The following SLC8A1 variants were observed in gnomAD, a reference collection of about 807,000 sequenced individuals.
SLC8A1 encodes the protein solute carrier family 8 member A1, also known as sodium/calcium exchanger 1.
In SLC8A1, 18 loss-of-function variants were observed where a neutral mutation model predicts 68.3. That is an observed-to-expected ratio of 0.26 (90% CI 0.18 to 0.39). The LOEUF is 0.39. Among genes scored for constraint, SLC8A1 ranks in the 10% least tolerant of loss-of-function variants. The pLI, the probability that SLC8A1 is intolerant of heterozygous loss-of-function variation, is 1.00. For missense variants in SLC8A1, 985 were observed against 1,156.7 expected (o/e 0.85, Z 2.15); for synonymous variants, 475 against 415.5 (o/e 1.14, Z -1.74).
At chr2:40,237,246 C>A (rs58684479) in intron 2 of SLC8A1, among the ~76,000 whole-genome samples, 5,658 of 152,254 alleles carry the variant, frequency 0.037, 221 homozygotes, top group African/African-American at 0.1. Context: ...GTACACCAAT[C>A]AGACGTAGAT....
At chr2:40,259,567 G>C (rs768662676) in intron 2 of SLC8A1, among the ~76,000 whole-genome samples, 4 of 152,180 alleles carry the variant, frequency 2.6e-5, no homozygotes, top group Non-Finnish European at 5.9e-5. Context: ...ACAACCTTGA[G>C]CTCTTGGGCT....
intron 2 of SLC8A1, among the ~76,000 whole-genome samples, chr2:40,253,243 A>G (rs1014426984): frequency 2.0e-5 from 3 of 150,250 alleles, no homozygotes; most frequent in African/African-American, 7.3e-5. Context: ...ATGTGCGTAT[A>G]TACACATATG....
intron 2 of SLC8A1, among the ~76,000 whole-genome samples, chr2:40,386,067 T>C (rs4446101): frequency 0.73 from 110,199 of 150,804 alleles, 41,766 homozygotes; most frequent in African/African-American, 0.93. Context: ...TAAATGCTAC[T>C]ATGTGTTTTA....
rs563942153 is a variant in SLC8A1, at chr2:40,399,813, G to A, written c.1808+28660C>T. On this transcript the variant is annotated intron_variant, in intron 2 of 7. Coordinates refer to ENST00000406785, the Ensembl canonical transcript of SLC8A1. ...CCTTAGCCAATTAACTAAGGGAGGG[G>A]ACCACCCCTCATATTGCCTTATGCC... Among the ~76,000 whole-genome samples the A allele has an allele frequency of 4.3e-4, 66 of 152,144 alleles. 1 individual carries two copies. The highest frequency in any genetic ancestry group is 7.9e-4 in the Admixed American group (12 of 15,266).
intron 2 of SLC8A1, among the ~76,000 whole-genome samples, chr2:40,252,864 GA>G (rs2063035961): frequency 9.1e-6 from 1 of 110,346 alleles, no homozygotes; most frequent in Admixed American, 1.0e-4. Flanking sequence ...ATACACATTT[GA>G]TTCCAATAAT....
At chr2:40,177,897 C>T (rs949994355) in intron 2 of SLC8A1, 6 of 1,287,696 alleles carry the variant, frequency 4.7e-6, no homozygotes, top group Non-Finnish European at 6.6e-6. Context: ...TGGTTGGAGT[C>T]ACACGCTCAT....
chr2:40,333,176 C>T lies in SLC8A1; in HGVS notation c.1808+95297G>A, dbSNP rs542983747. Reference sequence around the variant, plus strand: ...CTTTTAGGCCGGGTGCGGTGGCTCACGCCTATAATCCCAGCACTTTGGGAG... The same window carrying T: ...CTTTTAGGCCGGGTGCGGTGGCTCATGCCTATAATCCCAGCACTTTGGGAG... On this transcript the variant is annotated intron_variant, in intron 2 of 7. Transcript: ENST00000406785. Among the ~76,000 whole-genome samples, 7 of 152,306 alleles carry T rather than the reference C, an allele frequency of 4.6e-5. No homozygotes were observed. In the South Asian group the frequency reaches 8.3e-4, roughly 18 times the overall value.
intron 2 of SLC8A1, among the ~76,000 whole-genome samples, chr2:40,376,050 T>G (rs1468372235): frequency 6.6e-6 from 1 of 152,106 alleles, no homozygotes; most frequent in Non-Finnish European, 1.5e-5. Context: ...GGTTGACTTT[T>G]TCAACAGTAT....
intron 2 of SLC8A1, among the ~76,000 whole-genome samples, chr2:40,376,963 C>G (rs910388792): frequency 6.6e-6 from 1 of 152,024 alleles, no homozygotes; most frequent in Non-Finnish European, 1.5e-5. Context: ...GTATATAATT[C>G]TCTTCTCTTG....
intron 2 of SLC8A1, among the ~76,000 whole-genome samples, chr2:40,363,633 A>C (rs1675217051): frequency 1.3e-5 from 2 of 152,284 alleles, no homozygotes; most frequent in South Asian, 2.1e-4. Flanking sequence ...TATACCACAG[A>C]CAATATGTTT....
At chr2:40,509,906 C>A (rs2149946176) in intron 1 of SLC8A1, among the ~76,000 whole-genome samples, 1 of 152,084 alleles carries the variant, frequency 6.6e-6, no homozygotes, top group Non-Finnish European at 1.5e-5. Flanking sequence ...TGCCTCCCAG[C>A]AATCTCCGCC....
chr2:40,393,972 C>A (rs1214674894), intron 2 of SLC8A1, among the ~76,000 whole-genome samples: 1 of 152,068 alleles, frequency 6.6e-6, no homozygotes, highest in Admixed American at 6.6e-5. Context: ...TAGCTCTAAA[C>A]CAGTGGTGAC....
intron 1 of SLC8A1, among the ~76,000 whole-genome samples, chr2:40,442,411 A>T (rs1700676041): frequency 6.6e-6 from 1 of 151,034 alleles, no homozygotes; most frequent in African/African-American, 2.4e-5. Flanking sequence ...AAAAAAAAAA[A>T]AGAAAAAACA....
chr2:40,260,226 T>C (rs974416488), intron 2 of SLC8A1, among the ~76,000 whole-genome samples: 1 of 152,210 alleles, frequency 6.6e-6, no homozygotes, highest in African/African-American at 2.4e-5. Flanking sequence ...CTTCACAACC[T>C]GTTCATTTAA....
chr2:40,509,538 G>A (rs1248908522), intron 1 of SLC8A1, among the ~76,000 whole-genome samples: 1 of 149,084 alleles, frequency 6.7e-6, no homozygotes, highest in African/African-American at 2.5e-5. Context: ...CAGGCTTCTG[G>A]AAGTGTACAT....
intron 1 of SLC8A1, among the ~76,000 whole-genome samples, chr2:40,494,143 A>G (rs2149927912): frequency 6.6e-6 from 1 of 151,838 alleles, no homozygotes; most frequent in Admixed American, 6.6e-5. Flanking sequence ...ATAATAATAA[A>G]CTCTGACAGG....
chr2:40,170,326 G>A (rs1381302711), intron 4 of SLC8A1: 1 of 1,614,132 alleles, frequency 6.2e-7, no homozygotes. Context: ...TCTCTAGCAT[G>A]AACCTTCCTG....
intron 1 of SLC8A1, among the ~76,000 whole-genome samples, chr2:40,471,010 C>T (rs936934667): frequency 6.6e-6 from 1 of 152,114 alleles, no homozygotes; most frequent in African/African-American, 2.4e-5. Flanking sequence ...AGCTCTACAA[C>T]CCAGCTTTTA....
At chr2:40,230,633 A>T (rs1051103533) in intron 2 of SLC8A1, among the ~76,000 whole-genome samples, 2 of 152,232 alleles carry the variant, frequency 1.3e-5, no homozygotes, top group African/African-American at 4.8e-5. Context: ...TTTTTCTTTA[A>T]AATTATAATT....
Sources: allele counts gnomAD v4.1 joint callset (sites outside exome capture counted in the v4.1 genomes callset), GRCh38; gene constraint gnomAD v4.1.1; transcripts MANE v1.5; gene names NCBI Gene and HGNC (gene_info 2026-07-23, HGNC 2026-07-21).